The following CTDP1 variants were observed in gnomAD, a reference collection of about 807,000 sequenced individuals.
CTDP1 encodes CTD phosphatase 1.
Under a neutral mutation model 91.8 loss-of-function variants are expected in CTDP1, and 47 were observed. That is an observed-to-expected ratio of 0.51 (90% CI 0.41 to 0.65). The LOEUF (loss-of-function observed/expected upper bound fraction) is 0.65, where lower values mean the gene tolerates loss of function less well. Ranked by LOEUF, CTDP1 falls within the 30% of genes least tolerant of loss-of-function variation. The pLI, the probability that CTDP1 is intolerant of heterozygous loss-of-function variation, is 0.00. For missense variants in CTDP1, 1,272 were observed against 1,373.7 expected, an observed-to-expected ratio of 0.93 and a Z score of 1.17; for synonymous variants, 656 against 598.5, an observed-to-expected ratio of 1.10 and a Z score of -1.40.
At chr18:79,716,981 G>T (rs2086223020) in intron 8 of CTDP1, among the ~76,000 whole-genome samples, 1 of 152,016 alleles carries the variant, frequency 6.6e-6, no homozygotes, top group African/African-American at 2.4e-5. Context: ...CCGGGTGAGG[G>T]CCCTGGTGGG....
intron 12 of CTDP1, among the ~76,000 whole-genome samples, chr18:79,741,129 T>C (rs2086768805): frequency 7.0e-6 from 1 of 141,852 alleles, no homozygotes; most frequent in African/African-American, 2.7e-5. Context: ...TGTCCCTGAG[T>C]CCCCGAGGTC....
At chr18:79,704,941 G>A in intron 5 of CTDP1, 24 bp downstream of exon 5, 1 of 1,612,208 alleles carries the variant, frequency 6.2e-7, no homozygotes, top group Non-Finnish European at 8.5e-7. Context: ...CAGCCGAAGA[G>A]GCCGTGTGAA....
chr18:79,712,653 T>C lies in CTDP1; in HGVS notation c.864-319T>C, dbSNP rs562376956. Among the ~76,000 whole-genome samples, 5 of 152,346 alleles carry C rather than the reference T, an allele frequency of 3.3e-5. No homozygotes were observed. The East Asian group carries it at 9.6e-4, about 29-fold the overall frequency. On this transcript the variant is annotated intron_variant, in intron 6 of 12. Coordinates refer to ENST00000613122, the MANE Select transcript of CTDP1 (RefSeq NM_004715.5). ...AGCCTTGTTTGTACATGAAGTTTTATTGAAACATGGTCACGCCCACACGGT... is the reference window on the plus strand; with the variant it reads ...AGCCTTGTTTGTACATGAAGTTTTACTGAAACATGGTCACGCCCACACGGT...
At chr18:79,688,555 G>A (rs577778981) in intron 1 of CTDP1, among the ~76,000 whole-genome samples, 131 of 149,988 alleles carry the variant, frequency 8.7e-4, no homozygotes, top group African/African-American at 3.1e-3. Context: ...GTGAGCCACC[G>A]CGCCCAACTA....
At chr18:79,678,460 C>A (rs2085282105), upstream of CTDP1, 1 of 152,208 alleles carries the variant, frequency 6.6e-6, no homozygotes, top group Admixed American at 6.5e-5. Flanking sequence ...CCCTGGCCCC[C>A]TTTTTTGCCT....
chr18:79,724,903 G>A (rs748961227), intron 10 of CTDP1, among the ~76,000 whole-genome samples: 3 of 152,160 alleles, frequency 2.0e-5, no homozygotes, highest in African/African-American at 7.2e-5. Flanking sequence ...TGCTTCTGCC[G>A]CAGCGTCTCG....
intron 10 of CTDP1, among the ~76,000 whole-genome samples, chr18:79,721,174 C>G (rs2086337839): frequency 6.6e-6 from 1 of 152,238 alleles, no homozygotes; most frequent in Non-Finnish European, 1.5e-5. Flanking sequence ...CAGCCACTCT[C>G]ACCACTGCGG....
chr18:79,692,236 G>A (rs1217327661), intron 1 of CTDP1, among the ~76,000 whole-genome samples: 1 of 152,044 alleles, frequency 6.6e-6, no homozygotes, highest in Admixed American at 6.5e-5. Context: ...TTTGTCAGCC[G>A]TTGATCCATT....
At chr18:79,720,071 C>G (rs2086305166) in intron 10 of CTDP1, among the ~76,000 whole-genome samples, 1 of 143,726 alleles carries the variant, frequency 7.0e-6, no homozygotes, top group Non-Finnish European at 1.5e-5. Flanking sequence ...GATGATGTCA[C>G]CTCCCATCGT....
intron 1 of CTDP1, among the ~76,000 whole-genome samples, chr18:79,694,656 CG>C (rs2085710509): frequency 6.9e-6 from 1 of 145,220 alleles, no homozygotes; most frequent in Middle Eastern, 3.4e-3. Context: ...CACCTAGGGG[CG>C]GGCGCTGAGT....
rs1407879691 is a variant in CTDP1 at position 79,754,240 on chromosome 18, C to T, written c.*450C>T. 1 of 241,564 alleles carries T rather than the reference C, an allele frequency of 4.1e-6. No individual in the cohort carries two copies. The highest frequency in any genetic ancestry group is 5.1e-5 in the South Asian group (1 of 19,610). 15.0% of individuals were successfully genotyped at this position (241,564 alleles called of 1,614,324 possible). A position where few individuals can be genotyped will look rare whatever the true frequency, so the allele number is the denominator to read the frequency against. ...ACATGCCTGGAACCCCCGCCGCCTGCTGCTCCCTCCTAGGGAACCCATTTC... is the reference window on the plus strand; with the variant it reads ...ACATGCCTGGAACCCCCGCCGCCTGTTGCTCCCTCCTAGGGAACCCATTTC... On this transcript the variant is annotated 3_prime_UTR_variant, in exon 13 of 13. Coordinates refer to ENST00000613122, the MANE Select transcript of CTDP1 (RefSeq NM_004715.5).
At position 79,705,570 on chromosome 18, in the gene CTDP1, G is replaced by A. The variant is rs745648143; in HGVS notation, c.772+653G>A. ...GAAGCAACGTCTGTCCCACGTGGACGAAGCAAGGGGACAGTGCGGGACGGC... is the reference window on the plus strand; with the variant it reads ...GAAGCAACGTCTGTCCCACGTGGACAAAGCAAGGGGACAGTGCGGGACGGC... On this transcript the variant is annotated intron_variant, in intron 5 of 12. Coordinates refer to ENST00000613122, the MANE Select transcript of CTDP1 (RefSeq NM_004715.5). Among the ~76,000 whole-genome samples the A allele has an allele frequency of 2.2e-4, 34 of 151,830 alleles. 1 individual carries two copies. Among genetic ancestry groups the A allele is most frequent in the Non-Finnish European group, 1.2e-4 (8 of 67,948 alleles).
chr18:79,726,906 G>T (rs1274082827), intron 10 of CTDP1, among the ~76,000 whole-genome samples: 1 of 143,120 alleles, frequency 7.0e-6, no homozygotes, highest in Non-Finnish European at 1.5e-5. Flanking sequence ...TGGCTGTCGG[G>T]GTGGGATGAC....
At chr18:79,701,518 TAATA>T (rs1251834823) in intron 4 of CTDP1, among the ~76,000 whole-genome samples, 1 of 124,406 alleles carries the variant, frequency 8.0e-6, no homozygotes, top group South Asian at 2.7e-4. Flanking sequence ...TCAAAAAAAA[TAATA>T]AATAAATTAA....
intron 12 of CTDP1, among the ~76,000 whole-genome samples, chr18:79,749,361 G>A (rs34661407): frequency 0.29 from 43,660 of 151,284 alleles, 6,529 homozygotes; most frequent in East Asian, 0.38. Flanking sequence ...CCCCTGATAC[G>A]TCCAACCCAG....
chr18:79,678,240 T>TCGCGC (rs1269231332), upstream of CTDP1: 1 of 152,216 alleles, frequency 6.6e-6, no homozygotes, highest in Non-Finnish European at 1.5e-5. Context: ...GAGGCGACAA[T>TCGCGC]CGCGCCCTAC....
Position 79,753,970 on chromosome 18 carries a change from A to G in CTDP1, c.*180A>G. 2 of 846,516 alleles carry G rather than the reference A, an allele frequency of 2.4e-6. No individual in the cohort carries two copies. The highest frequency in any genetic ancestry group is 3.6e-6 in the Non-Finnish European group (2 of 552,372). The allele number at this position is 846,516 out of a possible 1,614,324, so 52.4% of individuals were successfully genotyped here. A position where few individuals can be genotyped will look rare whatever the true frequency, so the allele number is the denominator to read the frequency against. On this transcript the variant is annotated 3_prime_UTR_variant, in exon 13 of 13. Coordinates refer to ENST00000613122, the MANE Select transcript of CTDP1 (RefSeq NM_004715.5). ...ATAGGTGTTTTTAAGAAGTTTTACT[A>G]CAGGAATGTCTACTTTTGTAAGTGA... is the stretch of plus-strand genomic sequence containing the variant.
At chr18:79,677,463 C>T (rs1042715081), upstream of CTDP1, 4 of 152,244 alleles carry the variant, frequency 2.6e-5, no homozygotes, top group Non-Finnish European at 4.4e-5. Context: ...GGCTACAGCT[C>T]GTGTCTGGCT....
chr18:79,741,432 CAT>C (rs1311164893), intron 12 of CTDP1, among the ~76,000 whole-genome samples: 2 of 152,210 alleles, frequency 1.3e-5, no homozygotes, highest in African/African-American at 2.4e-5. Flanking sequence ...TGCCAAGAAA[CAT>C]AGCACAGCAT....
Sources: gnomAD v4.1 joint callset for allele counts (sites outside exome capture counted in the v4.1 genomes callset) on GRCh38, gnomAD v4.1.1 for gene constraint, MANE v1.5 for transcripts, NCBI Gene and HGNC (gene_info 2026-07-23, HGNC 2026-07-21) for gene names.